Variants in KIAA0319L observed in about 807,000 individuals in gnomAD.
KIAA0319L encodes dyslexia-associated protein KIAA0319-like protein.
KIAA0319L carries 55 observed loss-of-function variants against 120.1 expected under a neutral mutation model. The ratio of observed to expected loss-of-function variants is 0.46; its 90% CI spans 0.37 to 0.57. The LOEUF (loss-of-function observed/expected upper bound fraction) is 0.57. Ranked by LOEUF, KIAA0319L falls within the 20% of genes least tolerant of loss-of-function variation. The probability of loss-of-function intolerance (pLI) is 0.00; values close to 1 mark genes in which losing one functional copy is unlikely to be tolerated. For synonymous variants in KIAA0319L, 398 were observed against 471.9 expected, an observed-to-expected ratio of 0.84 and a Z score of 2.03; for missense variants, 1,049 against 1,255.3, an observed-to-expected ratio of 0.84 and a Z score of 2.48.
intron 2 of KIAA0319L, among the ~76,000 whole-genome samples, chr1:35,513,836 A>G (rs1228379118): frequency 6.6e-6 from 1 of 152,194 alleles, no homozygotes; most frequent in Non-Finnish European, 1.5e-5. Flanking sequence ...TATTTGTGAG[A>G]GTGATGTCTT....
chr1:35,529,970 T>C (rs1440274355), intron 2 of KIAA0319L, among the ~76,000 whole-genome samples: 1 of 151,840 alleles, frequency 6.6e-6, no homozygotes, highest in Non-Finnish European at 1.5e-5. Context: ...TGGTATCCTA[T>C]ATGTCACAAT....
intron 3 of KIAA0319L, among the ~76,000 whole-genome samples, chr1:35,484,101 A>C (rs117623514): frequency 6.6e-6 from 1 of 152,192 alleles, no homozygotes; most frequent in Non-Finnish European, 1.5e-5. Flanking sequence ...CCAAGACCCT[A>C]TTCCCAAATA....
intron 2 of KIAA0319L, among the ~76,000 whole-genome samples, chr1:35,519,986 A>C (rs1353743097): frequency 2.0e-5 from 3 of 152,170 alleles, no homozygotes; most frequent in Non-Finnish European, 4.4e-5. Context: ...ATCTCACTCT[A>C]AGTAAATGGT....
chr1:35,538,605 A>T (rs1175953184), intron 2 of KIAA0319L, among the ~76,000 whole-genome samples: 2 of 151,542 alleles, frequency 1.3e-5, no homozygotes, highest in Non-Finnish European at 2.9e-5. Flanking sequence ...AAAAAAAAAA[A>T]AAAAAAAAAA....
chr1:35,484,804 ATATTTT>A (rs1173451646), intron 3 of KIAA0319L, among the ~76,000 whole-genome samples: 13 of 43,696 alleles, frequency 3.0e-4, no homozygotes, highest in Non-Finnish European at 3.9e-4. Flanking sequence ...ATATATATAT[ATATTTT>A]TTTTTTTATT....
intron 2 of KIAA0319L, among the ~76,000 whole-genome samples, chr1:35,547,992 A>C (rs1015541730): frequency 6.6e-6 from 1 of 151,626 alleles, no homozygotes; most frequent in African/African-American, 2.4e-5. Flanking sequence ...GTGGTGGTGC[A>C]CCCCTGTAGT....
At chr1:35,484,806 ATTTT>A (rs1198710657) in intron 3 of KIAA0319L, among the ~76,000 whole-genome samples, 133 of 86,236 alleles carry the variant, frequency 1.5e-3, no homozygotes, top group Non-Finnish European at 2.2e-3. Context: ...ATATATATAT[ATTTT>A]TTTTTTTATT....
chr1:35,475,502 G>T (rs147885364), intron 4 of KIAA0319L, among the ~76,000 whole-genome samples: 3 of 151,116 alleles, frequency 2.0e-5, no homozygotes, highest in African/African-American at 7.3e-5. Context: ...TTGAGTCAGG[G>T]CCTCACTCTG....
At chr1:35,547,724 T>C (rs1040779150) in intron 2 of KIAA0319L, among the ~76,000 whole-genome samples, 2 of 152,190 alleles carry the variant, frequency 1.3e-5, no homozygotes, top group African/African-American at 4.8e-5. Flanking sequence ...TGGTTTCTAG[T>C]AGCTGGGGGA....
At chr1:35,504,165 C>T (rs1372518134) in intron 3 of KIAA0319L, among the ~76,000 whole-genome samples, 2 of 150,482 alleles carry the variant, frequency 1.3e-5, no homozygotes, top group African/African-American at 4.9e-5. Context: ...ACATTACAGG[C>T]ATAAGCTGCC....
At chr1:35,480,586 A>C (rs1644121896) in intron 3 of KIAA0319L, among the ~76,000 whole-genome samples, 1 of 152,184 alleles carries the variant, frequency 6.6e-6, no homozygotes, top group Admixed American at 6.5e-5. Flanking sequence ...GTTTGAGACC[A>C]GCCTGACCAA....
In KIAA0319L at chr1:35,450,403, T is replaced by C. The variant is rs769759234; in HGVS notation, c.2169A>G (p.Ile723Met). 6.2e-7 allele frequency: 1 copy of C among 1,614,170 alleles called. No individual in the cohort carries two copies. Among genetic ancestry groups the C allele is most frequent in the Non-Finnish European group, 8.5e-7 (1 of 1,180,000 alleles). ...DGSKSSDDKG[I>M]VSYLWTRDEG... ...CATCTCGAGTCCAGAGGTAGCTGAC[T>C]ATTCCCTTGTCATCTGAGGACTTAG... Residue 723 changes from isoleucine to methionine, a missense_variant, in exon 14 of 21, where the codon ATA (isoleucine) becomes ATG (methionine). Transcript: ENST00000325722.
At chr1:35,511,925 T>C (rs190161805) in intron 2 of KIAA0319L, among the ~76,000 whole-genome samples, 4 of 152,334 alleles carry the variant, frequency 2.6e-5, no homozygotes, top group Non-Finnish European at 4.4e-5. Context: ...TTCTTATTTA[T>C]ATTTTTAACA....
At chr1:35,494,504 C>T (rs984949524) in intron 3 of KIAA0319L, among the ~76,000 whole-genome samples, 1 of 151,586 alleles carries the variant, frequency 6.6e-6, no homozygotes, top group Non-Finnish European at 1.5e-5. Context: ...TATTACAAAG[C>T]TAGAGTTAGG....
chr1:35,487,832 T>C (rs1271656672), intron 3 of KIAA0319L, among the ~76,000 whole-genome samples: 1 of 152,192 alleles, frequency 6.6e-6, no homozygotes, highest in African/African-American at 2.4e-5. Context: ...CTCTAATCTC[T>C]GCCTCCCTAA....
chr1:35,528,703 T>C (rs564621154), intron 2 of KIAA0319L, among the ~76,000 whole-genome samples: 9 of 152,260 alleles, frequency 5.9e-5, no homozygotes, highest in Admixed American at 2.6e-4. Flanking sequence ...TTGTTGAGAG[T>C]GGGGTGTTGA....
intron 7 of KIAA0319L, among the ~76,000 whole-genome samples, chr1:35,465,710 T>A (rs1643210380): frequency 6.6e-6 from 1 of 152,294 alleles, no homozygotes; most frequent in East Asian, 1.9e-4. Flanking sequence ...CACCCAAATC[T>A]CATCTTGAAT....
At chr1:35,547,043 ATATT>A (rs1315323454) in intron 2 of KIAA0319L, among the ~76,000 whole-genome samples, 1 of 146,658 alleles carries the variant, frequency 6.8e-6, no homozygotes, top group African/African-American at 2.5e-5. Context: ...GATCATATAT[ATATT>A]ATTACATGTT....
chr1:35,467,528 G>C (rs562054556), intron 6 of KIAA0319L, among the ~76,000 whole-genome samples: 83 of 152,198 alleles, frequency 5.5e-4, no homozygotes, highest in African/African-American at 2.0e-3. Flanking sequence ...ATTGTCCTAG[G>C]CTTGTAGTTT....
Sources: gnomAD v4.1 joint callset for allele counts (sites outside exome capture counted in the v4.1 genomes callset) on GRCh38, gnomAD v4.1.1 for gene constraint, MANE v1.5 for transcripts, NCBI Gene and HGNC (gene_info 2026-07-23, HGNC 2026-07-21) for gene names.